Variants in STRN4 observed in about 807,000 individuals in gnomAD.
The protein encoded by STRN4 is striatin-4.
A neutral mutation model predicts 77.9 loss-of-function variants in STRN4; 27 were observed. The observed-to-expected ratio is 0.35, with a 90% confidence interval of 0.26 to 0.48. The LOEUF (loss-of-function observed/expected upper bound fraction) is 0.48, where lower values mean the gene tolerates loss of function less well. STRN4 is among the 20% of genes least tolerant of loss of function. The probability of loss-of-function intolerance (pLI) is 0.99; values close to 1 mark genes in which losing one functional copy is unlikely to be tolerated. For missense variants in STRN4, 798 were observed against 1,049.7 expected, an observed-to-expected ratio of 0.76 and a Z score of 3.31; for synonymous variants, 466 against 443.1, an observed-to-expected ratio of 1.05 and a Z score of -0.65.
Position 46,723,174 on chromosome 19 carries a change from G to T in STRN4, c.1705C>A (p.Arg569Ser). The part of the protein sequence containing the change: ...LASCSADGTV[R>S]IWDPSSSSPA... ...CTGCTGCTGCTGGGGTCCCAGATGC[G>T]GACGGTGCCATCAGCAGAACAGGAG... Residue 569 changes from arginine to serine, a missense_variant, in exon 13 of 18, where the codon CGC (arginine) becomes AGC (serine). By Grantham distance (110) the Arg-to-Ser change is moderately radical. Transcript: ENST00000263280. This position sits in a 1 kb window ranked among gnomAD's most constrained non-coding sequence, Gnocchi z 5.5. 1 of 1,564,046 alleles carries T rather than the reference G, an allele frequency of 6.4e-7. No homozygotes were observed. Among genetic ancestry groups the T allele is most frequent in the Non-Finnish European group, 8.7e-7 (1 of 1,155,190 alleles).
At chr19:46,736,582 A>T in intron 4 of STRN4, among the ~76,000 whole-genome samples, 1 of 135,248 alleles carries the variant, frequency 7.4e-6, no homozygotes, top group African/African-American at 2.7e-5. Context: ...AAAGCCACAG[A>T]GGCATTCAGG....
rs1219719074 is a variant in STRN4, at chr19:46,720,568, C to A, written c.*34G>T. 35 of 1,517,286 alleles carry A rather than the reference C, an allele frequency of 2.3e-5. No homozygotes were observed. The highest frequency in any genetic ancestry group is 3.1e-5 in the Non-Finnish European group (35 of 1,129,400). 94.0% of individuals were successfully genotyped at this position (1,517,286 alleles called of 1,614,324 possible). On this transcript the variant is annotated 3_prime_UTR_variant, in exon 17 of 18. Coordinates refer to ENST00000263280, the MANE Select transcript of STRN4 (RefSeq NM_013403.3). ...CCACCTGCCCGGCCCTACACCCCAG[C>A]CAGCGTGGCGGCCAGGGCAGGGCCA...
Position 46,721,854 on chromosome 19 carries a change from G to A in STRN4, c.2092+132C>T, listed in dbSNP as rs111484601. The A allele has an allele frequency of 5.9e-4, 538 of 908,658 alleles. 3 individuals carry two copies. Among genetic ancestry groups the A allele is most frequent in the African/African-American group, 5.7e-3 (345 of 60,974 alleles). 56.3% of individuals were successfully genotyped at this position (908,658 alleles called of 1,614,324 possible). On this transcript the variant is annotated intron_variant, in intron 16 of 17. Coordinates refer to ENST00000263280, the MANE Select transcript of STRN4 (RefSeq NM_013403.3). The stretch of plus-strand genomic sequence containing the variant: ...CTGTGCTGCCCCCTATGGTCACCAC[G>A]GTCATTCCCGCCCAGACCAGCCTCC...
chr19:46,721,972 T>C lies in STRN4; in HGVS notation c.2092+14A>G, dbSNP rs1282253325. The stretch of plus-strand genomic sequence containing the variant: ...TTCTCCCCAACCCTGGTGGGACTAG[T>C]GTGCTCAACTTACTTCCTGACATCA... On this transcript the variant is annotated intron_variant, in intron 16 of 17. Coordinates refer to ENST00000263280, the MANE Select transcript of STRN4 (RefSeq NM_013403.3). The C allele has an allele frequency of 1.9e-6, 3 of 1,613,342 alleles. No individual in the cohort carries two copies. Among genetic ancestry groups the C allele is most frequent in the Non-Finnish European group, 2.5e-6 (3 of 1,179,874 alleles).
rs2054617704 is a variant in STRN4, at chr19:46,746,386, G to A, written c.45C>T (p.Ser15=). ...RAAAAVAAAA[S]SCRPLGSGAG... is the part of the protein sequence containing the mutation. ...CGCCTGAGCCGAGCGGACGGCAGGAGGAGGCGGCGGCGGCGACCGCGGCGG... is the reference window on the plus strand; with the variant it reads ...CGCCTGAGCCGAGCGGACGGCAGGAAGAGGCGGCGGCGGCGACCGCGGCGG... The change falls in exon 1 of 18, where the codon TCC becomes TCT. Residue 15 remains serine, a synonymous_variant. Transcript: ENST00000263280. 3 of 1,107,048 alleles carry A rather than the reference G, an allele frequency of 2.7e-6. No homozygotes were observed. Among genetic ancestry groups the A allele is most frequent in the Non-Finnish European group, 3.3e-6 (3 of 910,044 alleles). 68.6% of individuals were successfully genotyped at this position (1,107,048 alleles called of 1,614,324 possible). A position where few individuals can be genotyped will look rare whatever the true frequency, so the allele number is the denominator to read the frequency against.
At position 46,731,218 on chromosome 19, in the gene STRN4, C is replaced by T. The variant is rs748843119; in HGVS notation, c.738-345G>A. Among the ~76,000 whole-genome samples, 60 of 152,196 alleles carry T rather than the reference C, an allele frequency of 3.9e-4. 1 individual carries two copies. The highest frequency in any genetic ancestry group is 4.7e-4 in the Non-Finnish European group (32 of 68,032). On this transcript the variant is annotated intron_variant, in intron 5 of 17. Coordinates refer to ENST00000263280, the MANE Select transcript of STRN4 (RefSeq NM_013403.3). ...GAAAGTGCCACTGACTCAGCAGTCCCCATTCCCACAGCCCAGTCAGACCAC... is the reference window on the plus strand; with the variant it reads ...GAAAGTGCCACTGACTCAGCAGTCCTCATTCCCACAGCCCAGTCAGACCAC...
chr19:46,727,672 G>A (rs1255854622), intron 8 of STRN4, 126 bp from the exon 9 acceptor site: 4 of 820,700 alleles, frequency 4.9e-6, no homozygotes, highest in South Asian at 1.6e-5. Context: ...ACGGGGAGAG[G>A]ACAAGATGAA....
chr19:46,730,788 C>A lies in STRN4; in HGVS notation c.823G>T (p.Asp275Tyr). ...TCCAGCTCATCGTCCTCGTCGCTGT[C>A]TTCGTCCTCGCAGTTCTGCAGGAAG... ...IPFLQNCEDE[D>Y]SDEDDELDSV... The change falls in exon 6 of 18, where the codon GAC becomes TAC. Residue 275 changes from aspartate (D) to tyrosine (Y), a missense_variant. Asp to Tyr is a radical substitution (Grantham distance 160). Transcript: ENST00000263280. 1 of 1,613,080 alleles carries A rather than the reference C, an allele frequency of 6.2e-7. No homozygotes were observed. The highest frequency in any genetic ancestry group is 1.1e-5 in the South Asian group (1 of 91,078).
chr19:46,744,775 C>T (rs894351859), intron 1 of STRN4, among the ~76,000 whole-genome samples: 1 of 151,836 alleles, frequency 6.6e-6, no homozygotes, highest in African/African-American at 2.4e-5. Context: ...AGGTGGGCTG[C>T]TACAAGCAGG....
intron 1 of STRN4, among the ~76,000 whole-genome samples, chr19:46,740,781 G>A (rs549167442): frequency 1.3e-5 from 2 of 152,252 alleles, no homozygotes; most frequent in East Asian, 3.9e-4. Context: ...TCCCATGCAG[G>A]AGACAGGCAT....
At chr19:46,724,739 G>C (rs1457634134) in intron 12 of STRN4, 68 bp downstream of exon 12, 2 of 1,607,890 alleles carry the variant, frequency 1.2e-6, no homozygotes, top group Non-Finnish European at 1.7e-6. Context: ...GACGCGACGT[G>C]TGTGTGCGTG....
intron 9 of STRN4, chr19:46,725,849 TGC>T: frequency 1.5e-6 from 1 of 666,104 alleles, no homozygotes; most frequent in Admixed American, 3.0e-5. Context: ...GTCCCCACAC[TGC>T]GCTGGGTTCT....
chr19:46,720,569 C>T lies in STRN4; in HGVS notation c.*33G>A, dbSNP rs1253568437. 7.2e-6 allele frequency: 11 copies of T among 1,518,928 alleles called. No individual in the cohort carries two copies. The highest frequency in any genetic ancestry group is 2.3e-5 in the East Asian group (1 of 42,716). The allele number at this position is 1,518,928 out of a possible 1,614,324, so 94.1% of individuals were successfully genotyped here. On this transcript the variant is annotated 3_prime_UTR_variant, in exon 17 of 18. Coordinates refer to ENST00000263280, the MANE Select transcript of STRN4 (RefSeq NM_013403.3). Reference sequence around the variant, plus strand: ...CACCTGCCCGGCCCTACACCCCAGCCAGCGTGGCGGCCAGGGCAGGGCCAG... The same window carrying T: ...CACCTGCCCGGCCCTACACCCCAGCTAGCGTGGCGGCCAGGGCAGGGCCAG...
intron 1 of STRN4, among the ~76,000 whole-genome samples, chr19:46,739,700 C>T (rs775755091): frequency 2.0e-5 from 3 of 152,226 alleles, no homozygotes; most frequent in Non-Finnish European, 4.4e-5. Flanking sequence ...CAGCCCAGAA[C>T]AGCCAGAGCC....
Position 46,727,449 on chromosome 19 carries a change from T to C in STRN4, c.1248+3A>G, listed in dbSNP as rs1431990423. The C allele has an allele frequency of 3.7e-6, 6 of 1,612,746 alleles. No homozygotes were observed. The African/African-American group carries it at 6.7e-5, about 18-fold the overall frequency. ...CAGTGTGGGGGGCACCCGGAGAACT[T>C]ACATCGCAGCTGAGGTCGTTGTCGT... On this transcript the variant is annotated splice_donor_region_variant and intron_variant, in intron 9 of 17. Coordinates refer to ENST00000263280, the MANE Select transcript of STRN4 (RefSeq NM_013403.3).
In STRN4 at chr19:46,738,766, G is replaced by A; in HGVS notation, c.386+19C>T. 6.2e-7 allele frequency: 1 copy of A among 1,612,560 alleles called. No individual in the cohort carries two copies. Among genetic ancestry groups the A allele is most frequent in the South Asian group, 1.1e-5 (1 of 91,054 alleles). On this transcript the variant is annotated intron_variant, in intron 2 of 17. Transcript: ENST00000263280. The surrounding 1 kb of genome is among the most constrained non-coding windows in gnomAD (Gnocchi z 4.5). The stretch of plus-strand genomic sequence containing the variant: ...GAGACGGACCCAGAAGGCAGGCCCA[G>A]GGCAGGATGAAGGCTCACCTTTCCT...
At chr19:46,722,217 A>G in intron 15 of STRN4, 25 bp downstream of exon 15, 3 of 1,611,024 alleles carry the variant, frequency 1.9e-6, no homozygotes, top group African/African-American at 1.3e-5. Flanking sequence ...CCCACCCACT[A>G]CGAGCACAAG....
At chr19:46,725,408 ACT>A in intron 10 of STRN4, 29 bp from the exon 11 acceptor site, 1 of 1,613,938 alleles carries the variant, frequency 6.2e-7, no homozygotes, top group South Asian at 1.1e-5. Flanking sequence ...GCCTGATGTC[ACT>A]GAGACCCTGT....
chr19:46,727,367 G>A (rs759447150), intron 9 of STRN4, 85 bp downstream of exon 9: 33 of 1,170,346 alleles, frequency 2.8e-5, no homozygotes, highest in Middle Eastern at 1.9e-4. Flanking sequence ...AGCAGGGCAC[G>A]GGCGGCACCC....
Sources: allele counts gnomAD v4.1 joint callset (sites outside exome capture counted in the v4.1 genomes callset), GRCh38; gene constraint gnomAD v4.1.1; non-coding constraint Gnocchi (gnomAD v3.1); transcripts MANE v1.5; gene names NCBI Gene and HGNC (gene_info 2026-07-23, HGNC 2026-07-21).